Variants in LMTK2 observed in about 807,000 individuals in gnomAD.
LMTK2 encodes the protein lemur tail kinase 2.
A neutral mutation model predicts 127.5 loss-of-function variants in LMTK2; 37 were observed. The ratio of observed to expected loss-of-function variants is 0.29; its 90% CI spans 0.22 to 0.38. The LOEUF is 0.38. LMTK2 is among the 10% of genes least tolerant of loss of function. The probability of loss-of-function intolerance (pLI) is 1.00; values close to 1 mark genes in which losing one functional copy is unlikely to be tolerated. For missense variants in LMTK2, 1,694 were observed against 1,920.3 expected (o/e 0.88, Z 2.20); for synonymous variants, 819 against 810.1 (o/e 1.01, Z -0.19).
At chr7:98,181,565 CAG>C (rs1191854000) in intron 7 of LMTK2, among the ~76,000 whole-genome samples, 1 of 152,186 alleles carries the variant, frequency 6.6e-6, no homozygotes, top group African/African-American at 2.4e-5. Context: ...GTAATCAAAA[CAG>C]TGTTGTACTA....
chr7:98,181,985 G>A (rs986694443), intron 7 of LMTK2, among the ~76,000 whole-genome samples: 12 of 152,130 alleles, frequency 7.9e-5, no homozygotes, highest in Non-Finnish European at 1.3e-4. Context: ...AAGAGTACCA[G>A]GACTATTCAA....
chr7:98,135,172 C>G (rs1030156777), intron 1 of LMTK2, among the ~76,000 whole-genome samples: 1 of 152,136 alleles, frequency 6.6e-6, no homozygotes, highest in African/African-American at 2.4e-5. Context: ...TTTTGCTCAC[C>G]TAGGAGTTTG....
At chr7:98,139,642 T>A (rs890191438) in intron 2 of LMTK2, among the ~76,000 whole-genome samples, 2 of 152,220 alleles carry the variant, frequency 1.3e-5, no homozygotes, top group African/African-American at 4.8e-5. Context: ...TTACGGTACC[T>A]CATTTTTCTT....
At position 98,203,659 on chromosome 7, in the gene LMTK2, C is replaced by A; in HGVS notation, c.4193C>A (p.Pro1398His). 1 of 1,613,722 alleles carries A rather than the reference C, an allele frequency of 6.2e-7. No homozygotes were observed. Among genetic ancestry groups the A allele is most frequent in the East Asian group, 2.2e-5 (1 of 44,860 alleles). ...GGCCCAGCCCCAGCCTCAGGCTCTC[C>A]CTACCTGAGCAGGTGCATCAACTCC... ...LSGPAPASGS[P>H]YLSRCINSES... Residue 1398 changes from proline (P) to histidine (H), a missense_variant, in exon 12 of 14, where the codon CCC becomes CAC. Physicochemically the swap from Pro to His is moderately conservative, Grantham distance 77. Coordinates refer to ENST00000297293, the MANE Select transcript of LMTK2 (RefSeq NM_014916.4).
intron 5 of LMTK2, among the ~76,000 whole-genome samples, chr7:98,157,505 C>T (rs559784099): frequency 1.9e-4 from 29 of 151,906 alleles, no homozygotes; most frequent in Non-Finnish European, 3.5e-4. Context: ...AACTTTTTTC[C>T]GTACAAAAAC....
At chr7:98,185,557 A>G (rs887670059) in intron 8 of LMTK2, among the ~76,000 whole-genome samples, 1 of 152,136 alleles carries the variant, frequency 6.6e-6, no homozygotes, top group South Asian at 2.1e-4. Context: ...TAACTCTGTC[A>G]TGAATATATT....
intron 1 of LMTK2, among the ~76,000 whole-genome samples, chr7:98,118,803 C>T (rs1042382742): frequency 6.6e-6 from 1 of 152,060 alleles, no homozygotes; most frequent in African/African-American, 2.4e-5. Flanking sequence ...TGTAGAAATG[C>T]AGATTTTGGC....
chr7:98,128,917 G>A (rs796069855), intron 1 of LMTK2, among the ~76,000 whole-genome samples: 11 of 152,252 alleles, frequency 7.2e-5, no homozygotes, highest in African/African-American at 2.6e-4. Flanking sequence ...AGCAAAATGG[G>A]TACATGTTTG....
At position 98,186,965 on chromosome 7, in the gene LMTK2, T is replaced by TA; in HGVS notation, c.967dup (p.Thr323AsnfsTer6). ...GTAACCAGCTTTCAAGACAGACTGC[T>TA]AACTGCAGATCAGACTAAGTATAGT... is the stretch of plus-strand genomic sequence containing the variant. On this transcript the variant is annotated frameshift_variant, in exon 9 of 14. Transcript: ENST00000297293. LOFTEE classifies it high-confidence loss of function. The TA allele has an allele frequency of 6.2e-7, 1 of 1,613,920 alleles. No individual in the cohort carries two copies. The highest frequency in any genetic ancestry group is 8.5e-7 in the Non-Finnish European group (1 of 1,179,808).
At chr7:98,148,505 A>AG (rs1554388171) in intron 3 of LMTK2, among the ~76,000 whole-genome samples, 1 of 141,036 alleles carries the variant, frequency 7.1e-6, no homozygotes, top group African/African-American at 2.5e-5. Context: ...AAAAAAAAAA[A>AG]AATAATAATA....
Position 98,191,598 on chromosome 7 carries a change from G to A in LMTK2, c.1149-16G>A, listed in dbSNP as rs1423125215. 6.5e-7 allele frequency: 1 copy of A among 1,543,676 alleles called. No homozygotes were observed. Among genetic ancestry groups the A allele is most frequent in the Non-Finnish European group, 8.7e-7 (1 of 1,145,750 alleles). ...TTCGTGATGGTTCCACTGATTGCTTGTCGTGTGCTGCTCAGGTATGAAGTC... is the reference window on the plus strand; with the variant it reads ...TTCGTGATGGTTCCACTGATTGCTTATCGTGTGCTGCTCAGGTATGAAGTC... On this transcript the variant is annotated splice_polypyrimidine_tract_variant and intron_variant, in intron 10 of 13. Transcript: ENST00000297293.
chr7:98,152,822 G>T (rs1034582412), intron 4 of LMTK2, among the ~76,000 whole-genome samples: 1 of 152,208 alleles, frequency 6.6e-6, no homozygotes, highest in African/African-American at 2.4e-5. Flanking sequence ...GCAGGGAGGA[G>T]ATGGGCTAGA....
At chr7:98,173,175 G>C (rs867686769) in intron 7 of LMTK2, among the ~76,000 whole-genome samples, 1 of 152,182 alleles carries the variant, frequency 6.6e-6, no homozygotes, top group Non-Finnish European at 1.5e-5. Flanking sequence ...TTAAACAGGC[G>C]TGGAAAAGTA....
Position 98,194,081 on chromosome 7 carries a change from A to G in LMTK2, c.3616A>G (p.Asn1206Asp). ...DEASSPWSVL[N>D]AELSSGDDFE... ...GGCCAGCAGTCCCTGGAGTGTGCTG[A>G]ATGCAGAACTTAGCAGCGGCGATGA... is the stretch of plus-strand genomic sequence containing the variant. Residue 1206 changes from asparagine (N) to aspartate (D), a missense_variant, in exon 11 of 14, where the codon AAT (asparagine) becomes GAT (aspartate). By Grantham distance (23) the Asn-to-Asp change is conservative. This residue lies in a region of LMTK2 where 554 missense variants were observed against 567.7 expected (regional missense o/e 0.98). Coordinates refer to ENST00000297293, the MANE Select transcript of LMTK2 (RefSeq NM_014916.4). This position sits in a 1 kb window ranked among gnomAD's most constrained non-coding sequence, Gnocchi z 5.4. 6.2e-7 allele frequency: 1 copy of G among 1,614,096 alleles called. No individual in the cohort carries two copies. Among genetic ancestry groups the G allele is most frequent in the Non-Finnish European group, 8.5e-7 (1 of 1,180,024 alleles).
At chr7:98,129,005 G>A (rs909659066) in intron 1 of LMTK2, among the ~76,000 whole-genome samples, 5 of 152,088 alleles carry the variant, frequency 3.3e-5, no homozygotes, top group African/African-American at 4.8e-5. Flanking sequence ...AAAATGTCCC[G>A]AGTAAGAGTG....
intron 11 of LMTK2, 36 bp from the exon 12 acceptor site, chr7:98,203,538 G>C: frequency 6.4e-7 from 1 of 1,567,714 alleles, no homozygotes; most frequent in Non-Finnish European, 8.6e-7. Context: ...CCGTGAGCAG[G>C]CCTTTGCTGA....
chr7:98,150,490 A>G (rs969189781), intron 3 of LMTK2, among the ~76,000 whole-genome samples: 9 of 152,202 alleles, frequency 5.9e-5, no homozygotes, highest in Non-Finnish European at 1.2e-4. Context: ...GACACCTCCC[A>G]TATGATCTCC....
chr7:98,190,699 G>A, intron 9 of LMTK2, 29 bp from the exon 10 acceptor site: 1 of 1,612,680 alleles, frequency 6.2e-7, no homozygotes, highest in South Asian at 1.1e-5. Context: ...TAAAGGGAGA[G>A]AGAAACAGCC....
At chr7:98,120,267 AT>A (rs201648607) in intron 1 of LMTK2, among the ~76,000 whole-genome samples, 28 of 151,126 alleles carry the variant, frequency 1.9e-4, no homozygotes, top group South Asian at 4.2e-4. Context: ...TAAAAGGCTT[AT>A]TTTTTTTTCC....
Sources: allele counts gnomAD v4.1 joint callset (sites outside exome capture counted in the v4.1 genomes callset), GRCh38; gene constraint gnomAD v4.1.1; regional missense constraint gnomAD v4.1.1; non-coding constraint Gnocchi (gnomAD v3.1); transcripts MANE v1.5; gene names NCBI Gene and HGNC (gene_info 2026-07-23, HGNC 2026-07-21).